Variants in SPHKAP observed in about 807,000 individuals in gnomAD.
The protein encoded by SPHKAP is SPHK1 interactor, AKAP domain containing.
In SPHKAP, 67 loss-of-function variants were observed where a neutral mutation model predicts 137.5. The observed-to-expected ratio is 0.49, with a 90% CI of 0.40 to 0.60. The LOEUF is 0.60. Among genes scored for constraint, SPHKAP ranks in the 20% least tolerant of loss-of-function variants. The probability of loss-of-function intolerance (pLI) is 0.00; values close to 1 mark genes in which losing one functional copy is unlikely to be tolerated. For missense variants in SPHKAP, 2,097 were observed against 2,069.3 expected (o/e 1.01, Z -0.26); for synonymous variants, 813 against 785.3 (o/e 1.04, Z -0.59).
At chr2:227,994,964 C>A (rs1693574298) in intron 8 of SPHKAP, among the ~76,000 whole-genome samples, 1 of 152,174 alleles carries the variant, frequency 6.6e-6, no homozygotes, top group Admixed American at 6.5e-5. Context: ...TCCACCTCAG[C>A]AAGGAATAGA....
intron 7 of SPHKAP, among the ~76,000 whole-genome samples, chr2:228,010,245 G>A (rs1694315715): frequency 6.6e-6 from 1 of 152,122 alleles, no homozygotes; most frequent in Non-Finnish European, 1.5e-5. Flanking sequence ...TTCATGGATG[G>A]GCCAGGCACA....
intron 3 of SPHKAP, among the ~76,000 whole-genome samples, chr2:228,075,847 AG>A (rs1449722837): frequency 6.6e-6 from 1 of 152,208 alleles, no homozygotes. Flanking sequence ...TGTTATGAAA[AG>A]GTTGTTTTGA....
At chr2:227,996,441 T>C (rs1346725283) in intron 7 of SPHKAP, among the ~76,000 whole-genome samples, 2 of 152,184 alleles carry the variant, frequency 1.3e-5, no homozygotes, top group Non-Finnish European at 2.9e-5. Flanking sequence ...CCTTCTTGCC[T>C]GGAACCCAGT....
At chr2:228,167,678 CTA>C (rs1289368480) in intron 1 of SPHKAP, among the ~76,000 whole-genome samples, 2 of 152,076 alleles carry the variant, frequency 1.3e-5, no homozygotes, top group Non-Finnish European at 2.9e-5. Flanking sequence ...GTGGGTAAGT[CTA>C]TTCGTATACG....
intron 1 of SPHKAP, among the ~76,000 whole-genome samples, chr2:228,156,253 G>C (rs1449131629): frequency 6.6e-6 from 1 of 152,096 alleles, no homozygotes; most frequent in Non-Finnish European, 1.5e-5. Flanking sequence ...ATTTTTATTA[G>C]TGTTCCTAAT....
At chr2:228,006,053 G>A (rs958704272) in intron 7 of SPHKAP, among the ~76,000 whole-genome samples, 16 of 152,100 alleles carry the variant, frequency 1.1e-4, no homozygotes, top group Middle Eastern at 3.4e-3. Flanking sequence ...TCTTTGTGGC[G>A]TTCTCTGTAT....
rs376115586 is a variant in SPHKAP at position 228,016,456 on chromosome 2, T to C, written c.4398A>G (p.Pro1466=). The change falls in exon 7 of 12, where the codon CCA becomes CCG. Residue 1466 remains proline (P), a synonymous_variant. Transcript: ENST00000392056. ...CTGTGTCTCCACCTCTCACCACATC[T>C]GGGATGTTTTTGTCATTCGAATGCC... The part of the protein sequence containing the change: ...AEGHSNDKNI[P]DVVRGGDTAV... 2 of 1,611,768 alleles carry C rather than the reference T, an allele frequency of 1.2e-6. No homozygotes were observed. Among genetic ancestry groups the C allele is most frequent in the African/African-American group, 2.7e-5 (2 of 74,648 alleles).
intron 3 of SPHKAP, among the ~76,000 whole-genome samples, chr2:228,032,191 G>T (rs1695357119): frequency 6.6e-6 from 1 of 152,162 alleles, no homozygotes; most frequent in Non-Finnish European, 1.5e-5. Flanking sequence ...CCTTAAAGGA[G>T]CTGATGGAGC....
chr2:228,166,935 A>T (rs1700438920), intron 1 of SPHKAP, among the ~76,000 whole-genome samples: 1 of 152,132 alleles, frequency 6.6e-6, no homozygotes, highest in South Asian at 2.1e-4. Context: ...AGCACAACAC[A>T]TGGTGAGAGC....
chr2:228,105,683 A>G (rs1216501164), intron 3 of SPHKAP, among the ~76,000 whole-genome samples: 1 of 152,068 alleles, frequency 6.6e-6, no homozygotes, highest in African/African-American at 2.4e-5. Flanking sequence ...TTTCCCCCAT[A>G]CTGTTCCGGT....
intron 3 of SPHKAP, among the ~76,000 whole-genome samples, chr2:228,088,036 T>C (rs764116124): frequency 6.6e-6 from 1 of 152,188 alleles, no homozygotes. Flanking sequence ...TACATTTCTA[T>C]GTAATACATT....
chr2:228,047,594 CCATTCATT>C (rs139508846), intron 3 of SPHKAP, among the ~76,000 whole-genome samples: 10 of 152,090 alleles, frequency 6.6e-5, no homozygotes, highest in African/African-American at 2.4e-4. Flanking sequence ...TAATTTGTGT[CCATTCATT>C]CATTCATTCA....
intron 7 of SPHKAP, among the ~76,000 whole-genome samples, chr2:228,006,904 C>T (rs1046359321): frequency 3.3e-5 from 5 of 152,166 alleles, no homozygotes; most frequent in Non-Finnish European, 5.9e-5. Context: ...CTGGAGGTTT[C>T]GTCTCAGAGG....
chr2:228,113,802 TCTCCTCCTCCCTTCCTCTTTTG>T, intron 2 of SPHKAP, among the ~76,000 whole-genome samples: 1 of 152,014 alleles, frequency 6.6e-6, no homozygotes, highest in South Asian at 2.1e-4. Context: ...ACCATGTAAG[TCTCCTCCTCCCTTCCTCTTTTG>T]CTCCTCCTCC....
At chr2:228,087,917 G>A (rs568261714) in intron 3 of SPHKAP, among the ~76,000 whole-genome samples, 1 of 152,106 alleles carries the variant, frequency 6.6e-6, no homozygotes, top group Admixed American at 6.5e-5. Flanking sequence ...ACTGAAAAAT[G>A]CATAGTTTTC....
intron 1 of SPHKAP, among the ~76,000 whole-genome samples, chr2:228,145,063 T>A (rs537604250): frequency 3.0e-4 from 46 of 152,260 alleles, no homozygotes; most frequent in African/African-American, 9.9e-4. Flanking sequence ...TGCAGATAGG[T>A]GGTGAAACGA....
chr2:228,041,782 T>C (rs1399734956), intron 3 of SPHKAP, among the ~76,000 whole-genome samples: 1 of 152,054 alleles, frequency 6.6e-6, no homozygotes, highest in Non-Finnish European at 1.5e-5. Flanking sequence ...TGAATGAATC[T>C]AGGTGGTCAT....
At chr2:228,109,564 T>A (rs141649044) in intron 2 of SPHKAP, 1,813 of 157,632 alleles carry the variant, frequency 0.012, 16 homozygotes, top group Non-Finnish European at 0.019. Flanking sequence ...GACTGACAAA[T>A]ATCTGATTTC....
At chr2:228,136,059 A>G (rs1395688925) in intron 1 of SPHKAP, among the ~76,000 whole-genome samples, 1 of 152,204 alleles carries the variant, frequency 6.6e-6, no homozygotes, top group Non-Finnish European at 1.5e-5. Flanking sequence ...TGATCTCTAG[A>G]GAAGCAGAAC....
Sources: allele counts gnomAD v4.1 joint callset (sites outside exome capture counted in the v4.1 genomes callset), GRCh38; gene constraint gnomAD v4.1.1; transcripts MANE v1.5; gene names NCBI Gene and HGNC (gene_info 2026-07-23, HGNC 2026-07-21).